The following TTN variants were observed in gnomAD, a reference collection of about 807,000 sequenced individuals.
TTN encodes the protein titin, also known as connectin.
Under a neutral mutation model 3,223.0 loss-of-function variants are expected in TTN, and 1,525 were observed. The observed-to-expected ratio is 0.47, with a 90% CI of 0.45 to 0.49. The LOEUF is 0.49. Ranked by LOEUF, TTN falls within the 20% of genes least tolerant of loss-of-function variation. TTN has a pLI of 0.00. For synonymous variants in TTN, 14,094 were observed against 15,161.0 expected (o/e 0.93, Z 5.17); for missense variants, 40,786 against 43,424.0 (o/e 0.94, Z 5.40).
rs879740984 is a variant in TTN at position 178,665,390 on chromosome 2, A to C, written c.36030T>G (p.Thr12010=). ...GAGGTAACGTACTTTTCATACGTGG[A>C]GTTTCTGGCTCTTCAGGTACATCCT... The part of the protein sequence containing the change: ...IFEDVPEEPE[T]PRMKTPEAPQ... Residue 12010 remains threonine, a synonymous_variant, in exon 165 of 363, where the codon ACT becomes ACG. Transcript: ENST00000589042. 1 of 1,612,252 alleles carries C rather than the reference A, an allele frequency of 6.2e-7. No homozygotes were observed. Among genetic ancestry groups the C allele is most frequent in the African/African-American group, 1.3e-5 (1 of 74,910 alleles).
In TTN at chr2:178,672,618, TA is replaced by T; in HGVS notation, c.34855+16del. ...AAAAGACAGAAGAGGAAGTCAGGTT[TA>T]AAAGAGAAGATGTACCTTTGGCTGG... On this transcript the variant is annotated intron_variant, in intron 153 of 362. Coordinates refer to ENST00000589042, the MANE Select transcript of TTN (RefSeq NM_001267550.2). The T allele has an allele frequency of 1.2e-6, 2 of 1,611,752 alleles. No homozygotes were observed. The highest frequency in any genetic ancestry group is 1.7e-6 in the Non-Finnish European group (2 of 1,178,438).
At position 178,554,760 on chromosome 2, in the gene TTN, T is replaced by A; in HGVS notation, c.88595-8A>T. 6.2e-7 allele frequency: 1 copy of A among 1,612,996 alleles called. No homozygotes were observed. Among genetic ancestry groups the A allele is most frequent in the Middle Eastern group, 1.7e-4 (1 of 6,048 alleles). On this transcript the variant is annotated splice_polypyrimidine_tract_variant and splice_region_variant and intron_variant, in intron 331 of 362. Transcript: ENST00000589042. The stretch of plus-strand genomic sequence containing the variant: ...CAGGTGGGCCTGGTTTGTCTATCAG[T>A]GAAAGGACAAAACACGATGTTAGTA...
chr2:178,744,867 A>G (rs1226411989), intron 47 of TTN: 2 of 985,240 alleles, frequency 2.0e-6, no homozygotes, highest in East Asian at 1.1e-4. Context: ...GGAAAGATCT[A>G]TTTGCTTATT....
Position 178,785,972 on chromosome 2 carries a change from G to T in TTN, c.2246C>A (p.Pro749His). ...GGGTTCTGAGGCTGGACGTTGGGGA[G>T]GCTCAGCTACCTTTGCGGCGGAAAT... is the stretch of plus-strand genomic sequence containing the variant. ...ERISAAKVAE[P>H]PQRPASEPHV... is the part of the protein sequence containing the mutation. The change falls in exon 14 of 363, where the codon CCT becomes CAT. Residue 749 changes from proline to histidine, a missense_variant. By Grantham distance (77) the Pro-to-His change is moderately conservative (BLOSUM62 -2). Coordinates refer to ENST00000589042, the MANE Select transcript of TTN (RefSeq NM_001267550.2). 1 of 1,614,110 alleles carries T rather than the reference G, an allele frequency of 6.2e-7. No homozygotes were observed.
chr2:178,682,725 T>G lies in TTN; in HGVS notation c.33066A>C (p.Arg11022=). The change falls in exon 135 of 363, where the codon CGA becomes CGC. Residue 11022 remains arginine (R), a synonymous_variant. Coordinates refer to ENST00000589042, the MANE Select transcript of TTN (RefSeq NM_001267550.2). ...TGATGTATTCTTCATGCTCTTCATA[T>G]CGTTCATACTCCCGCTCCTCGTATT... is the stretch of plus-strand genomic sequence containing the variant. The part of the protein sequence containing the change: ...YEEYEEREYE[R]YEEHEEYITE... The G allele has an allele frequency of 6.2e-7, 1 of 1,612,668 alleles. No homozygotes were observed. The highest frequency in any genetic ancestry group is 8.5e-7 in the Non-Finnish European group (1 of 1,179,104).
intron 240 of TTN, among the ~76,000 whole-genome samples, chr2:178,626,438 G>T (rs564854629): frequency 3.3e-5 from 5 of 152,016 alleles, no homozygotes; most frequent in African/African-American, 9.6e-5. Flanking sequence ...TTCCTAAGAA[G>T]CTGTGCCCTG....
Position 178,777,738 on chromosome 2 carries a change from A to G in TTN, c.4446T>C (p.Gly1482=). Residue 1482 remains glycine, a synonymous_variant, in exon 25 of 363, where the codon GGT becomes GGC. Coordinates refer to ENST00000589042, the MANE Select transcript of TTN (RefSeq NM_001267550.2). ...ACCAGAACGTCTCTGGCATAGGTCT[A>G]CCAACAACCTTTAAGTCAAATCTGG... ...QTARFDLKVV[G]RPMPETFWFH... 6.2e-7 allele frequency: 1 copy of G among 1,614,104 alleles called. No homozygotes were observed. Among genetic ancestry groups the G allele is most frequent in the East Asian group, 2.2e-5 (1 of 44,878 alleles).
intron 47 of TTN, chr2:178,745,621 T>A (rs771628334): frequency 6.2e-7 from 1 of 1,612,814 alleles, no homozygotes; most frequent in Non-Finnish European, 8.5e-7. Flanking sequence ...TCTCAGCCAT[T>A]CCTGATTTGT....
At chr2:178,686,095 T>G (rs1355517286) in intron 127 of TTN, among the ~76,000 whole-genome samples, 1 of 149,424 alleles carries the variant, frequency 6.7e-6, no homozygotes, top group Admixed American at 6.7e-5. Context: ...TTTTTGAGCC[T>G]AAGTGTATAC....
rs757542282 is a variant in TTN, at chr2:178,732,944, G to A, written c.16232C>T (p.Thr5411Ile). The change falls in exon 55 of 363, where the codon ACA (threonine) becomes ATA (isoleucine). Residue 5411 changes from threonine to isoleucine, a missense_variant. By Grantham distance (89) the Thr-to-Ile change is moderately conservative. Transcript: ENST00000589042. ...DRYRIAFVEG[T>I]ASLEIIRVDM... ...TACTCTGATGATCTCCAAAGAGGCT[G>A]TGCCTTCCACAAATGCTATCCTGTA... 1.2e-6 allele frequency: 2 copies of A among 1,613,578 alleles called. No homozygotes were observed. Among genetic ancestry groups the A allele is most frequent in the Non-Finnish European group, 1.7e-6 (2 of 1,179,740 alleles).
chr2:178,681,543 A>C, intron 136 of TTN, 93 bp from the exon 137 acceptor site: 1 of 1,453,908 alleles, frequency 6.9e-7, no homozygotes, highest in South Asian at 1.3e-5. Context: ...AATACAACAT[A>C]ATATTCCCAA....
chr2:178,793,389 C>G lies in TTN; in HGVS notation c.1536+15G>C. On this transcript the variant is annotated intron_variant, in intron 9 of 362. Coordinates refer to ENST00000589042, the MANE Select transcript of TTN (RefSeq NM_001267550.2). ...TAAGAACCTCAGTGAATTTAAAATA[C>G]AAACCCATTTTCACCTGCTCATGAG... is the stretch of plus-strand genomic sequence containing the variant. 1.2e-6 allele frequency: 2 copies of G among 1,613,710 alleles called. No individual in the cohort carries two copies. The highest frequency in any genetic ancestry group is 1.1e-5 in the South Asian group (1 of 91,022).
chr2:178,675,651 CCT>C lies in TTN; in HGVS notation c.34537+18_34537+19del. ...TCAACATCGGTGCAGCAAACATATC[CCT>C]GTTATGGGATGATGTACCTTTGGCA... On this transcript the variant is annotated intron_variant, in intron 149 of 362. Coordinates refer to ENST00000589042, the MANE Select transcript of TTN (RefSeq NM_001267550.2). The C allele has an allele frequency of 1.4e-6, 2 of 1,395,130 alleles. No homozygotes were observed. The highest frequency in any genetic ancestry group is 1.8e-6 in the Non-Finnish European group (2 of 1,081,624). The allele number at this position is 1,395,130 out of a possible 1,614,324, so 86.4% of individuals were successfully genotyped here.
At chr2:178,782,490 G>C (rs2092868192) in intron 19 of TTN, 49 bp downstream of exon 19, 1 of 1,613,632 alleles carries the variant, frequency 6.2e-7, no homozygotes, top group East Asian at 2.2e-5. Flanking sequence ...TGGTGGGGCT[G>C]AAAGTCAAAA....
rs533744192 is a variant in TTN, at chr2:178,539,497, C to T, written c.98568G>A (p.Val32856=). The T allele has an allele frequency of 7.4e-6, 12 of 1,613,742 alleles. No individual in the cohort carries two copies. The Admixed American group carries it at 2.0e-4, about 27-fold the overall frequency. ...IDSRVRGTSL[V]VKGLKENVEY... is the part of the protein sequence containing the mutation. ...CTACATTCTCTTTGAGGCCTTTTACCACCAGAGATGTACCTCGGACTCTGG... is the reference window on the plus strand; with the variant it reads ...CTACATTCTCTTTGAGGCCTTTTACTACCAGAGATGTACCTCGGACTCTGG... The change falls in exon 352 of 363, where the codon GTG becomes GTA. Residue 32856 remains valine (V), a synonymous_variant. Coordinates refer to ENST00000589042, the MANE Select transcript of TTN (RefSeq NM_001267550.2).
In TTN at chr2:178,783,044, G is replaced by A; in HGVS notation, c.2862C>T (p.Val954=). 1 of 1,614,030 alleles carries A rather than the reference G, an allele frequency of 6.2e-7. No individual in the cohort carries two copies. Among genetic ancestry groups the A allele is most frequent in the Non-Finnish European group, 8.5e-7 (1 of 1,179,968 alleles). Residue 954 remains valine (V), a synonymous_variant, in exon 18 of 363, where the codon GTC becomes GTT. Transcript: ENST00000589042. ...CCAAGGTGACAGATTCACCTTCTAT[G>A]ACAGTCACATTTTTTAAGCCCTGAA... The part of the protein sequence containing the change: ...TLVSGLKNVT[V]IEGESVTLEC...
At position 178,551,721 on chromosome 2, in the gene TTN, C is replaced by T. The variant is rs1320458016; in HGVS notation, c.91179G>A (p.Leu30393=). 6.2e-7 allele frequency: 1 copy of T among 1,613,688 alleles called. No homozygotes were observed. Among genetic ancestry groups the T allele is most frequent in the African/African-American group, 1.3e-5 (1 of 75,020 alleles). Residue 30393 remains leucine (L), a synonymous_variant, in exon 335 of 363, where the codon CTG becomes CTA. Coordinates refer to ENST00000589042, the MANE Select transcript of TTN (RefSeq NM_001267550.2). The part of the protein sequence containing the change: ...EYRATGLVEG[L]DYQFRVYAEN... ...CAGCATATACACGGAATTGGTAATC[C>T]AGACCTTCTACCAGTCCAGTGGCTC...
Position 178,723,132 on chromosome 2 carries a change from C to T in TTN, c.21875G>A (p.Ser7292Asn). 1 of 1,613,558 alleles carries T rather than the reference C, an allele frequency of 6.2e-7. No homozygotes were observed. The highest frequency in any genetic ancestry group is 8.5e-7 in the Non-Finnish European group (1 of 1,179,658). ...EKTCILEILN[S>N]TKRDAGQYSC... Reference sequence around the variant, plus strand: ...ATACTGCCCTGCATCTCTTTTTGTGCTATTCAGAATTTCCAGGATACAAGT... The same window carrying T: ...ATACTGCCCTGCATCTCTTTTTGTGTTATTCAGAATTTCCAGGATACAAGT... The change falls in exon 75 of 363, where the codon AGC (serine) becomes AAC (asparagine). Residue 7292 changes from serine (S) to asparagine (N), a missense_variant. Physicochemically the swap from Ser to Asn is conservative, Grantham distance 46 (BLOSUM62 1). Transcript: ENST00000589042.
intron 165 of TTN, 30 bp downstream of exon 165, chr2:178,665,347 T>C: frequency 6.3e-7 from 1 of 1,586,836 alleles, no homozygotes. Flanking sequence ...AGATAATTTC[T>C]TCTTCCACAT....
Sources: allele counts gnomAD v4.1 joint callset (sites outside exome capture counted in the v4.1 genomes callset), GRCh38; gene constraint gnomAD v4.1.1; transcripts MANE v1.5; gene names NCBI Gene and HGNC (gene_info 2026-07-23, HGNC 2026-07-21).